MYO18B: variants seen among roughly 807,000 people sequenced by gnomAD.
The protein encoded by MYO18B is myosin XVIIIB.
A neutral mutation model predicts 273.0 loss-of-function variants in MYO18B; 204 were observed. The observed-to-expected ratio is 0.75, with a 90% CI of 0.67 to 0.84. The LOEUF (loss-of-function observed/expected upper bound fraction) is 0.84, where lower values mean the gene tolerates loss of function less well. MYO18B is among the 40% of genes least tolerant of loss of function. The probability of loss-of-function intolerance (pLI) is 0.00; values close to 1 mark genes in which losing one functional copy is unlikely to be tolerated. For synonymous variants in MYO18B, 1,330 were observed against 1,305.7 expected, an observed-to-expected ratio of 1.02 and a Z score of -0.40; for missense variants, 3,212 against 3,287.6, an observed-to-expected ratio of 0.98 and a Z score of 0.56.
At chr22:25,761,607 C>T (rs919219037) in intron 2 of MYO18B, among the ~76,000 whole-genome samples, 3 of 152,184 alleles carry the variant, frequency 2.0e-5, no homozygotes, top group African/African-American at 7.2e-5. Flanking sequence ...CCTTTCTCCC[C>T]TTTAGTATTT....
intron 11 of MYO18B, among the ~76,000 whole-genome samples, chr22:25,787,260 G>A (rs543022367): frequency 1.5e-4 from 16 of 108,614 alleles, no homozygotes; most frequent in South Asian, 3.3e-4. Flanking sequence ...GCCTGTGTGC[G>A]TGCAGGCGCG....
At chr22:25,885,442 T>TG (rs1207458645) in intron 25 of MYO18B, among the ~76,000 whole-genome samples, 1 of 151,866 alleles carries the variant, frequency 6.6e-6, no homozygotes, top group Non-Finnish European at 1.5e-5. Context: ...AAGCAGGAGC[T>TG]GGCCAGGTGA....
At chr22:25,961,591 A>C (rs962312018) in intron 39 of MYO18B, among the ~76,000 whole-genome samples, 5 of 152,200 alleles carry the variant, frequency 3.3e-5, no homozygotes, top group African/African-American at 1.2e-4. Flanking sequence ...GCGATGAAGC[A>C]ACTCCTCTGT....
At chr22:25,797,069 C>A (rs1807605) in intron 11 of MYO18B, among the ~76,000 whole-genome samples, 136,143 of 152,178 alleles carry the variant, frequency 0.89, 62,018 homozygotes, top group Non-Finnish European at 0.98. Flanking sequence ...TCTACTAAAA[C>A]TATGAAAATT....
At chr22:25,811,357 A>C (rs2088750619) in intron 12 of MYO18B, among the ~76,000 whole-genome samples, 1 of 152,222 alleles carries the variant, frequency 6.6e-6, no homozygotes, top group Admixed American at 6.5e-5. Context: ...ATAATTATGC[A>C]ATCCCAGGAA....
chr22:25,980,161 G>A (rs138860846), intron 39 of MYO18B, among the ~76,000 whole-genome samples: 2 of 152,142 alleles, frequency 1.3e-5, no homozygotes, highest in Admixed American at 6.5e-5. Flanking sequence ...ACTCCGTTTT[G>A]GCCCCTGGTA....
At chr22:25,991,913 T>TCGAAA (rs2093274369) in intron 39 of MYO18B, among the ~76,000 whole-genome samples, 1 of 79,666 alleles carries the variant, frequency 1.3e-5, no homozygotes, top group South Asian at 3.4e-4. Flanking sequence ...GGGGACAGAC[T>TCGAAA]TGAAACTATC....
intron 34 of MYO18B, among the ~76,000 whole-genome samples, chr22:25,933,661 A>G (rs369120542): frequency 6.6e-6 from 1 of 152,170 alleles, no homozygotes; most frequent in East Asian, 1.9e-4. Context: ...CTTTTGCACC[A>G]ACCTAATAAT....
chr22:25,771,908 A>T (rs946184685), intron 6 of MYO18B, among the ~76,000 whole-genome samples: 7 of 152,088 alleles, frequency 4.6e-5, no homozygotes, highest in African/African-American at 1.7e-4. Context: ...ATTGGCCTCC[A>T]CTCCTGGGTA....
chr22:25,864,908 A>G (rs1293468605), intron 21 of MYO18B, among the ~76,000 whole-genome samples: 1 of 152,208 alleles, frequency 6.6e-6, no homozygotes, highest in Admixed American at 6.5e-5. Flanking sequence ...AGGTGATTCC[A>G]TAAAGACACA....
intron 42 of MYO18B, among the ~76,000 whole-genome samples, chr22:26,013,796 A>G (rs978955375): frequency 3.3e-5 from 5 of 152,168 alleles, no homozygotes; most frequent in African/African-American, 1.2e-4. Flanking sequence ...CTTCATTCGA[A>G]TATCCTCTTT....
At chr22:25,802,050 G>T (rs77872464) in intron 12 of MYO18B, among the ~76,000 whole-genome samples, 1,780 of 152,292 alleles carry the variant, frequency 0.012, 33 homozygotes, top group African/African-American at 0.036. Context: ...TGCAGGTTAA[G>T]GATTCAATCC....
the MYO18B span, among the ~76,000 whole-genome samples, chr22:26,058,615 C>T: frequency 3.9e-5 from 6 of 152,184 alleles, no homozygotes; most frequent in Non-Finnish European, 8.8e-5. Flanking sequence ...CCATGAATGG[C>T]TTTGCGCTGT....
At chr22:25,781,482 C>T (rs1364985246) in intron 9 of MYO18B, among the ~76,000 whole-genome samples, 2 of 152,038 alleles carry the variant, frequency 1.3e-5, no homozygotes, top group Non-Finnish European at 2.9e-5. Flanking sequence ...TGGTGGTGGG[C>T]GCCTGTGGTC....
chr22:26,054,029 C>T, the MYO18B span, among the ~76,000 whole-genome samples: 1 of 152,046 alleles, frequency 6.6e-6, no homozygotes, highest in Non-Finnish European at 1.5e-5. Flanking sequence ...TGAACTCGGG[C>T]CAACAGGAAG....
chr22:25,853,896 A>C (rs2090494323), intron 21 of MYO18B, among the ~76,000 whole-genome samples: 1 of 152,206 alleles, frequency 6.6e-6, no homozygotes. Flanking sequence ...AGCAACGAAA[A>C]GAAACATCAT....
intron 17 of MYO18B, among the ~76,000 whole-genome samples, chr22:25,836,354 C>A (rs1329800660): frequency 2.0e-5 from 3 of 152,138 alleles, no homozygotes; most frequent in African/African-American, 4.8e-5. Flanking sequence ...TATGTGCATG[C>A]AGAGCTTTGT....
chr22:25,922,329 G>A (rs1334296222), intron 34 of MYO18B, among the ~76,000 whole-genome samples: 1 of 152,166 alleles, frequency 6.6e-6, no homozygotes, highest in Non-Finnish European at 1.5e-5. Flanking sequence ...CTAAGGAGAT[G>A]TGATGAGTGT....
At chr22:26,046,231 A>G in the MYO18B span, among the ~76,000 whole-genome samples, 123 of 152,352 alleles carry the variant, frequency 8.1e-4, no homozygotes, top group African/African-American at 2.9e-3. Flanking sequence ...GATACTTGTT[A>G]CTTATTCATG....
Sources: gnomAD v4.1 joint callset for allele counts (sites outside exome capture counted in the v4.1 genomes callset) on GRCh38, gnomAD v4.1.1 for gene constraint, MANE v1.5 for transcripts, NCBI Gene and HGNC (gene_info 2026-07-23, HGNC 2026-07-21) for gene names.